EXOC1L: variants seen among roughly 807,000 people sequenced by gnomAD.
EXOC1L encodes the protein exocyst complex component 1 like.
Under a neutral mutation model 4.9 loss-of-function variants are expected in EXOC1L, and 10 were observed. The observed-to-expected ratio is 2.02, with a 90% CI of 1.25 to 3.43. The LOEUF (loss-of-function observed/expected upper bound fraction) is 3.43. Among genes scored for constraint, EXOC1L ranks in the 30% most tolerant of loss-of-function variants. The probability of loss-of-function intolerance (pLI) is 0.00; values close to 1 mark genes in which losing one functional copy is unlikely to be tolerated. For synonymous variants in EXOC1L, 41 were observed against 20.8 expected (o/e 1.97, Z -2.63); for missense variants, 114 against 59.4 (o/e 1.92, Z -3.02).
chr4:55,830,197 G>A (rs1719989898), intron 1 of EXOC1L, among the ~76,000 whole-genome samples: 1 of 152,106 alleles, frequency 6.6e-6, no homozygotes, highest in African/African-American at 2.4e-5. Flanking sequence ...ATTATACTGT[G>A]ATATATTGTT....
At chr4:55,820,842 G>A (rs1300001777) in intron 1 of EXOC1L, among the ~76,000 whole-genome samples, 1 of 152,080 alleles carries the variant, frequency 6.6e-6, no homozygotes, top group East Asian at 1.9e-4. Context: ...CCAAAGCTAG[G>A]AACAGGCTTT....
chr4:55,830,925 G>A (rs1720012470), intron 1 of EXOC1L, among the ~76,000 whole-genome samples: 1 of 152,132 alleles, frequency 6.6e-6, no homozygotes, highest in African/African-American at 2.4e-5. Flanking sequence ...TTACTTCCAT[G>A]ACCTCATTTG....
At chr4:55,834,920 C>T (rs1478865856) in intron 2 of EXOC1L, among the ~76,000 whole-genome samples, 1 of 151,732 alleles carries the variant, frequency 6.6e-6, no homozygotes, top group Non-Finnish European at 1.5e-5. Flanking sequence ...GATTTTGATG[C>T]ACCCATCACC....
chr4:55,824,994 A>G (rs1377022157), intron 1 of EXOC1L, among the ~76,000 whole-genome samples: 1 of 152,218 alleles, frequency 6.6e-6, no homozygotes, highest in Non-Finnish European at 1.5e-5. Context: ...CATCATTTGT[A>G]GAATGAATAG....
At chr4:55,824,468 T>C (rs1030635744) in intron 1 of EXOC1L, among the ~76,000 whole-genome samples, 2 of 152,140 alleles carry the variant, frequency 1.3e-5, no homozygotes, top group Non-Finnish European at 2.9e-5. Flanking sequence ...GCTCAGGTGA[T>C]TCTCCCACCT....
chr4:55,820,346 T>C (rs1377925723), intron 1 of EXOC1L, among the ~76,000 whole-genome samples, 199 bp downstream of exon 1: 3 of 152,346 alleles, frequency 2.0e-5, no homozygotes. Flanking sequence ...GAAAAAAACA[T>C]TGTATTAGAA....
At chr4:55,833,456 A>C (rs1720084609) in intron 2 of EXOC1L, among the ~76,000 whole-genome samples, 1 of 151,834 alleles carries the variant, frequency 6.6e-6, no homozygotes. Context: ...TAAGATTACA[A>C]ATTTTTTAAT....
At chr4:55,825,216 A>AAAC (rs2110281220) in intron 1 of EXOC1L, among the ~76,000 whole-genome samples, 1 of 152,282 alleles carries the variant, frequency 6.6e-6, no homozygotes, top group East Asian at 1.9e-4. Flanking sequence ...ACAGACGAGG[A>AAAC]AACCATAGGT....
Position 55,826,738 on chromosome 4 carries a change from G to A in EXOC1L, c.122-4596G>A, listed in dbSNP as rs957470785. ...GGATACGGCCATTTAATTTTAGCTG[G>A]CAGCAAAGCTGAAGTGTGGAAATTA... On this transcript the variant is annotated intron_variant, in intron 1 of 2. Transcript: ENST00000636125. 2.6e-5 allele frequency among the ~76,000 whole-genome samples: 4 copies of A among 152,212 alleles called. No individual in the cohort carries two copies. The East Asian group carries it at 5.8e-4, about 22-fold the overall frequency.
rs1178061860 is a variant in EXOC1L at position 55,822,721 on chromosome 4, G to A, written c.121+2574G>A. 4.6e-5 allele frequency among the ~76,000 whole-genome samples: 7 copies of A among 152,304 alleles called. No individual in the cohort carries two copies. In the East Asian group the frequency reaches 1.4e-3, roughly 29 times the overall value. On this transcript the variant is annotated intron_variant, in intron 1 of 2. Coordinates refer to ENST00000636125, the MANE Select transcript of EXOC1L (RefSeq NM_001351574.3). Reference sequence around the variant, plus strand: ...AGCTGTGAAATCTGGGGCGAGATAAGTAGGCTCTTTGGCCTCAGTGGTGAC... The same window carrying A: ...AGCTGTGAAATCTGGGGCGAGATAAATAGGCTCTTTGGCCTCAGTGGTGAC...
chr4:55,820,889 G>A (rs899705311), intron 1 of EXOC1L, among the ~76,000 whole-genome samples: 2 of 152,180 alleles, frequency 1.3e-5, no homozygotes, highest in African/African-American at 4.8e-5. Flanking sequence ...TGTGATTTCT[G>A]TGCTGAATTT....
intron 1 of EXOC1L, 72 bp from the exon 2 acceptor site, chr4:55,831,262 C>A: frequency 2.0e-6 from 1 of 494,558 alleles, no homozygotes; most frequent in Non-Finnish European, 3.5e-6. Context: ...ACATAAATAC[C>A]AAAAAGTATG....
chr4:55,824,254 G>GTA (rs1719816943), intron 1 of EXOC1L, among the ~76,000 whole-genome samples: 1 of 143,820 alleles, frequency 7.0e-6, no homozygotes, highest in Non-Finnish European at 1.5e-5. Context: ...TTTTTTTCAA[G>GTA]TCTCTCTCTC....
rs1462699290 is a variant in EXOC1L, at chr4:55,819,834, T to A, written c.-193T>A. On this transcript the variant is annotated 5_prime_UTR_variant, in exon 1 of 3. Coordinates refer to ENST00000636125, the MANE Select transcript of EXOC1L (RefSeq NM_001351574.3). ...TGCTGCCACTGGGCAGATACCGCAG[T>A]GAGGGGTCTGACCGCGCTGAGTGCT... is the stretch of plus-strand genomic sequence containing the variant. The A allele has an allele frequency of 2.8e-6, 1 of 360,922 alleles. No homozygotes were observed. Among genetic ancestry groups the A allele is most frequent in the Non-Finnish European group, 4.9e-6 (1 of 203,150 alleles). 22.4% of individuals were successfully genotyped at this position (360,922 alleles called of 1,614,324 possible). A position where few individuals can be genotyped will look rare whatever the true frequency, so the allele number is the denominator to read the frequency against.
intron 1 of EXOC1L, 125 bp from the exon 2 acceptor site, chr4:55,831,209 G>A (rs1036656811): frequency 5.5e-5 from 26 of 473,710 alleles, no homozygotes; most frequent in African/African-American, 2.0e-4. Flanking sequence ...CAATTGAGGC[G>A]CAGCTATAAT....
At chr4:55,832,247 C>T (rs1720055717) in intron 2 of EXOC1L, among the ~76,000 whole-genome samples, 1 of 151,988 alleles carries the variant, frequency 6.6e-6, no homozygotes, top group Admixed American at 6.6e-5. Flanking sequence ...TGGTTTTCAT[C>T]CTTTATCATA....
chr4:55,831,482 T>C lies in EXOC1L; in HGVS notation c.252+18T>C, dbSNP rs536232148. 1.5e-6 allele frequency: 1 copy of C among 671,160 alleles called. No homozygotes were observed. The highest frequency in any genetic ancestry group is 1.6e-5 in the South Asian group (1 of 60,956). 41.6% of individuals were successfully genotyped at this position (671,160 alleles called of 1,614,324 possible). A position where few individuals can be genotyped will look rare whatever the true frequency, so the allele number is the denominator to read the frequency against. The stretch of plus-strand genomic sequence containing the variant: ...CAGATACTGTAAGTGTTACATTTTA[T>C]AAGGAGATGTGGAATCAATATGCTG... On this transcript the variant is annotated intron_variant, in intron 2 of 2. Coordinates refer to ENST00000636125, the MANE Select transcript of EXOC1L (RefSeq NM_001351574.3).
chr4:55,833,424 C>T (rs957171588), intron 2 of EXOC1L, among the ~76,000 whole-genome samples: 1 of 151,630 alleles, frequency 6.6e-6, no homozygotes, highest in Non-Finnish European at 1.5e-5. Context: ...CAAACCAGTA[C>T]TTTAATAAGT....
At chr4:55,821,490 T>G (rs1400299984) in intron 1 of EXOC1L, among the ~76,000 whole-genome samples, 1 of 152,144 alleles carries the variant, frequency 6.6e-6, no homozygotes, top group Non-Finnish European at 1.5e-5. Flanking sequence ...TAATTTCCAC[T>G]TTATAAAGCT....
Sources: allele counts gnomAD v4.1 joint callset (sites outside exome capture counted in the v4.1 genomes callset), GRCh38; gene constraint gnomAD v4.1.1; transcripts MANE v1.5; gene names NCBI Gene and HGNC (gene_info 2026-07-23, HGNC 2026-07-21).